Variants in PPP2R3A observed in about 807,000 individuals in gnomAD.
The protein encoded by PPP2R3A is serine/threonine-protein phosphatase 2A regulatory subunit B'' subunit alpha.
In PPP2R3A, 80 loss-of-function variants were observed where a neutral mutation model predicts 106.9. The ratio of observed to expected loss-of-function variants is 0.75; its 90% CI spans 0.62 to 0.90. PPP2R3A has a LOEUF of 0.90. Ranked by LOEUF, PPP2R3A falls within the 40% of genes least tolerant of loss-of-function variation. The pLI, the probability that PPP2R3A is intolerant of heterozygous loss-of-function variation, is 0.00. For synonymous variants in PPP2R3A, 483 were observed against 468.3 expected (o/e 1.03, Z -0.41); for missense variants, 1,386 against 1,350.4 (o/e 1.03, Z -0.41).
At chr3:136,057,511 A>C (rs1935910535) in intron 5 of PPP2R3A, among the ~76,000 whole-genome samples, 1 of 152,088 alleles carries the variant, frequency 6.6e-6, no homozygotes, top group Non-Finnish European at 1.5e-5. Flanking sequence ...GGAAGGGGGA[A>C]AGGGGAGGGA....
Position 136,082,420 on chromosome 3 carries a change from G to T in PPP2R3A, c.2787G>T (p.Gln929His). 6 of 1,613,228 alleles carry T rather than the reference G, an allele frequency of 3.7e-6. No individual in the cohort carries two copies. Among genetic ancestry groups the T allele is most frequent in the Non-Finnish European group, 5.1e-6 (6 of 1,179,332 alleles). ...CCGATCTGTCTCGATACAATGACCAGGGTAAGTGATTCTGTAGATGCTAAG... is the reference window on the plus strand; with the variant it reads ...CCGATCTGTCTCGATACAATGACCATGGTAAGTGATTCTGTAGATGCTAAG... ...SQADLSRYND[Q>H]ASSSRIIERI... The change falls in exon 8 of 14, where the codon CAG becomes CAT. Residue 929 changes from glutamine to histidine, a missense_variant and splice_region_variant. Transcript: ENST00000264977.
intron 6 of PPP2R3A, among the ~76,000 whole-genome samples, chr3:136,074,512 G>A (rs1251744951): frequency 1.3e-5 from 2 of 152,230 alleles, no homozygotes; most frequent in African/African-American, 2.4e-5. Flanking sequence ...TGCATGCTGT[G>A]CAAAAATTGC....
rs753384478 is a variant in PPP2R3A at position 136,145,142 on chromosome 3, G to C, written c.3429G>C (p.Lys1143Asn). The C allele has an allele frequency of 9.9e-6, 16 of 1,612,036 alleles. No individual in the cohort carries two copies. The Admixed American group carries it at 2.5e-4, about 25-fold the overall frequency. The part of the protein sequence containing the change: ...LSASLPEKCG[K>N]LQSVDEE ...CAAGCCTTCCAGAGAAATGTGGAAA[G>C]CTTCAATCAGTGGATGAAGAATAGC... The change falls in exon 14 of 14, where the codon AAG (lysine) becomes AAC (asparagine). Residue 1143 changes from lysine (K) to asparagine (N), a missense_variant. Coordinates refer to ENST00000264977, the MANE Select transcript of PPP2R3A (RefSeq NM_002718.5).
Position 136,145,206 on chromosome 3 carries a change from A to ATATT in PPP2R3A, c.*41_*42insATTT, listed in dbSNP as rs1446510079. On this transcript the variant is annotated 3_prime_UTR_variant, in exon 14 of 14. Coordinates refer to ENST00000264977, the MANE Select transcript of PPP2R3A (RefSeq NM_002718.5). ...AATGAAACGAAGATGTGTATTTTAA[A>ATATT]TGTTTCTTTCTTGTGAAGAGATGTT... The ATATT allele has an allele frequency of 1.3e-6, 2 of 1,576,328 alleles. No individual in the cohort carries two copies. Among genetic ancestry groups the ATATT allele is most frequent in the South Asian group, 2.4e-5 (2 of 84,952 alleles).
At chr3:136,057,079 C>A (rs764292201) in intron 5 of PPP2R3A, among the ~76,000 whole-genome samples, 21 of 144,994 alleles carry the variant, frequency 1.4e-4, no homozygotes, top group African/African-American at 4.1e-4. Flanking sequence ...ACCCCCCCCA[C>A]ACACACCGTT....
intron 8 of PPP2R3A, among the ~76,000 whole-genome samples, chr3:136,084,635 C>G (rs1170157659): frequency 1.3e-5 from 2 of 152,182 alleles, no homozygotes; most frequent in African/African-American, 4.8e-5. Context: ...CTGGAAAAGC[C>G]ACAGATACTC....
At chr3:136,086,222 G>A (rs144236186) in intron 8 of PPP2R3A, among the ~76,000 whole-genome samples, 2,579 of 152,054 alleles carry the variant, frequency 0.017, 76 homozygotes, top group African/African-American at 0.059. Context: ...GGTGGCTCAC[G>A]CCTGTAATCC....
chr3:136,013,200 A>C (rs997021518), intron 2 of PPP2R3A, among the ~76,000 whole-genome samples: 1 of 150,000 alleles, frequency 6.7e-6, no homozygotes, highest in Non-Finnish European at 1.5e-5. Context: ...GTATGTATGT[A>C]TGTATGTATG....
At chr3:136,131,990 C>T (rs1938441272) in intron 13 of PPP2R3A, among the ~76,000 whole-genome samples, 1 of 134,426 alleles carries the variant, frequency 7.4e-6, no homozygotes. Context: ...GGGCGGGGAA[C>T]ATCACACACC....
chr3:136,110,680 A>G (rs976842487), intron 13 of PPP2R3A, among the ~76,000 whole-genome samples: 2 of 152,226 alleles, frequency 1.3e-5, no homozygotes, highest in African/African-American at 2.4e-5. Context: ...CTATGTTCCA[A>G]TAAAACTTTA....
Position 136,016,977 on chromosome 3 carries a change from G to A in PPP2R3A, c.1996-9855G>A, listed in dbSNP as rs528769491. 4.6e-5 allele frequency among the ~76,000 whole-genome samples: 7 copies of A among 152,286 alleles called. No individual in the cohort carries two copies. The South Asian group carries it at 1.4e-3, about 32-fold the overall frequency. On this transcript the variant is annotated intron_variant, in intron 2 of 13. Coordinates refer to ENST00000264977, the MANE Select transcript of PPP2R3A (RefSeq NM_002718.5). ...TTTCGAGGTTTTGTTTCAAGATTTA[G>A]AACTTGTTTTAGCAGTTCTTGTAAT...
intron 3 of PPP2R3A, among the ~76,000 whole-genome samples, chr3:136,030,450 C>G (rs1428163133): frequency 6.6e-6 from 1 of 151,828 alleles, no homozygotes; most frequent in African/African-American, 2.4e-5. Context: ...TGTTTGGTTA[C>G]ACGAGTAAGT....
chr3:136,087,245 G>GTCTCTCCCTCTC (rs1936965495), intron 8 of PPP2R3A, among the ~76,000 whole-genome samples: 1 of 75,078 alleles, frequency 1.3e-5, no homozygotes. Flanking sequence ...CTCTAGTCGT[G>GTCTCTCCCTCTC]TCTCTCTCTC....
intron 13 of PPP2R3A, among the ~76,000 whole-genome samples, chr3:136,136,060 AAAAAAAAAAAAAATTATATAT>A (rs1938601536): frequency 2.0e-5 from 1 of 48,940 alleles, no homozygotes; most frequent in Admixed American, 2.5e-4. Flanking sequence ...AAAAAAAAAA[AAAAAAAAAAAAAATTATATAT>A]ATATATATAT....
intron 13 of PPP2R3A, among the ~76,000 whole-genome samples, chr3:136,131,536 G>T (rs1938416667): frequency 6.6e-6 from 1 of 152,348 alleles, no homozygotes; most frequent in Non-Finnish European, 1.5e-5. Context: ...AGGATGTGGA[G>T]AAATAGGAAT....
rs554586344 is a variant in PPP2R3A, at chr3:136,003,112, T to G, written c.1614T>G (p.Asn538Lys). The G allele has an allele frequency of 1.4e-5, 22 of 1,611,224 alleles. No individual in the cohort carries two copies. The African/African-American group carries it at 2.8e-4, about 21-fold the overall frequency. Residue 538 changes from asparagine (N) to lysine (K), a missense_variant, in exon 2 of 14, where the codon AAT becomes AAG. Physicochemically the swap from Asn to Lys is moderately conservative, Grantham distance 94. Transcript: ENST00000264977. ...CACTTGCGAAGGGTAAAAACTCTAA[T>G]TTTTTAAATAGTCACAGTCAGTTGA... ...REPLAKGKNS[N>K]FLNSHSQLTG...
chr3:136,132,163 T>TA (rs1236816429), intron 13 of PPP2R3A, among the ~76,000 whole-genome samples: 2,115 of 146,820 alleles, frequency 0.014, 47 homozygotes, highest in African/African-American at 0.046. Flanking sequence ...TTAAGTATAA[T>TA]AAAAAAAAAA....
At chr3:136,030,932 C>A (rs927130461) in intron 3 of PPP2R3A, among the ~76,000 whole-genome samples, 1 of 151,872 alleles carries the variant, frequency 6.6e-6, no homozygotes, top group Non-Finnish European at 1.5e-5. Context: ...TATAAACATG[C>A]ATGTACAAGT....
intron 5 of PPP2R3A, among the ~76,000 whole-genome samples, chr3:136,058,567 T>G (rs1935961307): frequency 6.6e-6 from 1 of 152,108 alleles, no homozygotes; most frequent in South Asian, 2.1e-4. Flanking sequence ...AGAATTAATA[T>G]CACTAAAATG....
Sources: allele counts gnomAD v4.1 joint callset (sites outside exome capture counted in the v4.1 genomes callset), GRCh38; gene constraint gnomAD v4.1.1; transcripts MANE v1.5; gene names NCBI Gene and HGNC (gene_info 2026-07-23, HGNC 2026-07-21).